Variants in NUDCD1 observed in about 807,000 individuals in gnomAD.
The protein encoded by NUDCD1 is nudC domain-containing protein 1.
In NUDCD1, 60 loss-of-function variants were observed where a neutral mutation model predicts 67.8. That is an observed-to-expected ratio of 0.88 (90% CI 0.72 to 1.10). NUDCD1 has a LOEUF of 1.10. Among genes scored for constraint, NUDCD1 ranks in the 50% least tolerant of loss-of-function variants. The probability of loss-of-function intolerance (pLI) is 0.00; values close to 1 mark genes in which losing one functional copy is unlikely to be tolerated. For missense variants in NUDCD1, 643 were observed against 695.0 expected, an observed-to-expected ratio of 0.93 and a Z score of 0.84; for synonymous variants, 244 against 230.8, an observed-to-expected ratio of 1.06 and a Z score of -0.52.
intron 1 of NUDCD1, among the ~76,000 whole-genome samples, chr8:109,330,644 T>C (rs1815784402): frequency 6.6e-6 from 1 of 152,168 alleles, no homozygotes; most frequent in African/African-American, 2.4e-5. Context: ...TCAACTCCCG[T>C]ATCTGTTCAC....
At chr8:109,329,515 G>A (rs1455727836) in intron 1 of NUDCD1, among the ~76,000 whole-genome samples, 5 of 152,160 alleles carry the variant, frequency 3.3e-5, no homozygotes, top group Non-Finnish European at 5.9e-5. Flanking sequence ...AGGATAATGT[G>A]AGATTTCTCA....
At chr8:109,277,178 G>A (rs918657806) in intron 6 of NUDCD1, among the ~76,000 whole-genome samples, 3 of 152,006 alleles carry the variant, frequency 2.0e-5, no homozygotes, top group African/African-American at 7.3e-5. Context: ...AAGTACTGAG[G>A]TTAAGCAACT....
chr8:109,287,995 A>G (rs1814616539), intron 5 of NUDCD1, among the ~76,000 whole-genome samples: 1 of 152,196 alleles, frequency 6.6e-6, no homozygotes, highest in Non-Finnish European at 1.5e-5. Flanking sequence ...TTAAAATGCC[A>G]AATAGCCAAT....
At chr8:109,304,745 A>C (rs1225377229) in intron 2 of NUDCD1, among the ~76,000 whole-genome samples, 1 of 152,116 alleles carries the variant, frequency 6.6e-6, no homozygotes, top group Non-Finnish European at 1.5e-5. Flanking sequence ...GGGCCATCAA[A>C]AGGCATCAGA....
intron 2 of NUDCD1, among the ~76,000 whole-genome samples, chr8:109,308,706 T>TCACGC (rs2130086507): frequency 6.6e-6 from 1 of 151,906 alleles, no homozygotes; most frequent in South Asian, 2.1e-4. Context: ...GTGCGGTGGC[T>TCACGC]CACGCCTGTA....
chr8:109,263,977 T>C (rs1324444560), intron 8 of NUDCD1, among the ~76,000 whole-genome samples: 3 of 152,186 alleles, frequency 2.0e-5, no homozygotes, highest in Non-Finnish European at 4.4e-5. Flanking sequence ...CTTTAAAATG[T>C]CCTTGAGAAA....
At chr8:109,286,421 C>T (rs1048457878) in intron 5 of NUDCD1, among the ~76,000 whole-genome samples, 1 of 151,624 alleles carries the variant, frequency 6.6e-6, no homozygotes, top group Admixed American at 6.6e-5. Context: ...CTACAGTAAC[C>T]AAAAAAAGTA....
intron 5 of NUDCD1, among the ~76,000 whole-genome samples, chr8:109,283,776 G>A (rs1814509452): frequency 6.6e-6 from 1 of 152,046 alleles, no homozygotes; most frequent in South Asian, 2.1e-4. Context: ...AGATCTTTAA[G>A]GAAGTTCTAA....
intron 8 of NUDCD1, among the ~76,000 whole-genome samples, chr8:109,252,951 T>A (rs976327420): frequency 6.6e-6 from 1 of 152,204 alleles, no homozygotes; most frequent in Non-Finnish European, 1.5e-5. Context: ...AGCTTAGGAT[T>A]TCAACTTATA....
intron 2 of NUDCD1, among the ~76,000 whole-genome samples, chr8:109,298,354 C>G (rs1814895325): frequency 6.6e-6 from 1 of 152,110 alleles, no homozygotes. Flanking sequence ...ATAAATTTTA[C>G]TGTAGGTCAC....
chr8:109,302,676 C>T (rs1001100806), intron 2 of NUDCD1, among the ~76,000 whole-genome samples: 1 of 152,132 alleles, frequency 6.6e-6, no homozygotes, highest in African/African-American at 2.4e-5. Flanking sequence ...AAGGTTAATG[C>T]TCCTCTTTCT....
intron 8 of NUDCD1, among the ~76,000 whole-genome samples, chr8:109,268,626 C>T (rs567264804): frequency 1.6e-4 from 25 of 152,252 alleles, no homozygotes; most frequent in South Asian, 6.2e-4. Context: ...CATTTTATGA[C>T]ACCTAAGATA....
chr8:109,265,431 G>A (rs1813972143), intron 8 of NUDCD1, among the ~76,000 whole-genome samples: 1 of 152,082 alleles, frequency 6.6e-6, no homozygotes, highest in East Asian at 1.9e-4. Flanking sequence ...TATTATAAAT[G>A]CTCTAATAAC....
At chr8:109,282,344 G>C (rs1814463592) in intron 5 of NUDCD1, among the ~76,000 whole-genome samples, 1 of 152,080 alleles carries the variant, frequency 6.6e-6, no homozygotes, top group South Asian at 2.1e-4. Flanking sequence ...TGGCTTGTAG[G>C]TTAAACTGCA....
chr8:109,333,876 G>A lies in NUDCD1; in HGVS notation c.118+17C>T. 1 of 1,613,734 alleles carries A rather than the reference G, an allele frequency of 6.2e-7. No homozygotes were observed. Among genetic ancestry groups the A allele is most frequent in the Non-Finnish European group, 8.5e-7 (1 of 1,179,792 alleles). On this transcript the variant is annotated intron_variant, in intron 1 of 9. Coordinates refer to ENST00000239690, the MANE Select transcript of NUDCD1 (RefSeq NM_032869.4). Reference sequence around the variant, plus strand: ...AGGGGAAAGGAACGGAGTACGAAGGGCGCCGCCGCTTCCCACCTGCGTCAA... The same window carrying A: ...AGGGGAAAGGAACGGAGTACGAAGGACGCCGCCGCTTCCCACCTGCGTCAA...
At chr8:109,304,553 C>T (rs1815060636) in intron 2 of NUDCD1, among the ~76,000 whole-genome samples, 1 of 152,210 alleles carries the variant, frequency 6.6e-6, no homozygotes, top group Non-Finnish European at 1.5e-5. Flanking sequence ...CTTGCAAAGG[C>T]ACTACGCGTC....
intron 8 of NUDCD1, among the ~76,000 whole-genome samples, chr8:109,264,445 G>A (rs143756807): frequency 6.6e-5 from 10 of 152,182 alleles, no homozygotes; most frequent in East Asian, 1.9e-4. Context: ...TGTGTGTATC[G>A]GTTTATATTG....
intron 8 of NUDCD1, among the ~76,000 whole-genome samples, chr8:109,268,882 T>TCA (rs1814073346): frequency 6.6e-6 from 1 of 152,162 alleles, no homozygotes; most frequent in Non-Finnish European, 1.5e-5. Flanking sequence ...ATGTATGGGA[T>TCA]TATGTCAAAA....
chr8:109,330,703 A>G (rs892129551), intron 1 of NUDCD1, among the ~76,000 whole-genome samples: 1 of 152,206 alleles, frequency 6.6e-6, no homozygotes, highest in African/African-American at 2.4e-5. Context: ...AATACTATGC[A>G]GCCATAAAAA....
Sources: allele counts gnomAD v4.1 joint callset (sites outside exome capture counted in the v4.1 genomes callset), GRCh38; gene constraint gnomAD v4.1.1; transcripts MANE v1.5; gene names NCBI Gene and HGNC (gene_info 2026-07-23, HGNC 2026-07-21).